Variants in NOL9 observed in about 807,000 individuals in gnomAD.
The protein encoded by NOL9 is polynucleotide 5'-hydroxyl-kinase NOL9.
In NOL9, 28 loss-of-function variants were observed where a neutral mutation model predicts 67.9. That is an observed-to-expected ratio of 0.41 (90% confidence interval 0.31 to 0.57). The LOEUF is 0.57. Among genes scored for constraint, NOL9 ranks in the 20% least tolerant of loss-of-function variants. NOL9 has a pLI of 0.25. For missense variants in NOL9, 777 were observed against 897.0 expected, an observed-to-expected ratio of 0.87 and a Z score of 1.71; for synonymous variants, 356 against 352.2, an observed-to-expected ratio of 1.01 and a Z score of -0.12.
At chr1:6,549,077 C>T (rs942141826) in intron 3 of NOL9, among the ~76,000 whole-genome samples, 1 of 151,448 alleles carries the variant, frequency 6.6e-6, no homozygotes, top group Non-Finnish European at 1.5e-5. Context: ...AGAGAGAGTC[C>T]ATCTCAAAAC....
At position 6,524,075 on chromosome 1, in the gene NOL9, G is replaced by A. The variant is rs1638827675; in HGVS notation, c.*1779C>T. On this transcript the variant is annotated 3_prime_UTR_variant, in exon 12 of 12. Coordinates refer to ENST00000377705, the MANE Select transcript of NOL9 (RefSeq NM_024654.5). ...GCACAGTAAAACATCATATGAATGAGCCAGATTTCAACATAAATAAGGGGC... is the reference window on the plus strand; with the variant it reads ...GCACAGTAAAACATCATATGAATGAACCAGATTTCAACATAAATAAGGGGC... 6.6e-6 allele frequency: 1 copy of A among 152,134 alleles called. No homozygotes were observed. The highest frequency in any genetic ancestry group is 2.4e-5 in the African/African-American group (1 of 41,418). The allele number at this position is 152,134 out of a possible 1,614,324, so 9.4% of individuals were successfully genotyped here. A position where few individuals can be genotyped will look rare whatever the true frequency, so the allele number is the denominator to read the frequency against.
At chr1:6,546,397 G>A (rs1639422920) in intron 3 of NOL9, among the ~76,000 whole-genome samples, 1 of 152,154 alleles carries the variant, frequency 6.6e-6, no homozygotes, top group African/African-American at 2.4e-5. Context: ...AAGACTAAAA[G>A]GCAATCACAA....
intron 6 of NOL9, among the ~76,000 whole-genome samples, chr1:6,535,490 G>A (rs1251827899): frequency 6.6e-6 from 1 of 152,240 alleles, no homozygotes; most frequent in African/African-American, 2.4e-5. Context: ...CAGGACCTAG[G>A]ACGTAAGAGG....
rs1557782367 is a variant in NOL9, at chr1:6,528,975, G to A, written c.1825+19C>T. 1.2e-6 allele frequency: 2 copies of A among 1,612,542 alleles called. No individual in the cohort carries two copies. The highest frequency in any genetic ancestry group is 1.3e-5 in the African/African-American group (1 of 74,890). On this transcript the variant is annotated intron_variant, in intron 10 of 11. Transcript: ENST00000377705. ...TCCTTTTCAGTAGGTTTATGGATAT[G>A]TTTTACTCTCAGACTCACCAAAGCC...
intron 6 of NOL9, among the ~76,000 whole-genome samples, chr1:6,534,959 A>T (rs1639116671): frequency 6.6e-6 from 1 of 152,178 alleles, no homozygotes; most frequent in East Asian, 1.9e-4. Context: ...ACTCGCCACC[A>T]CACCTGGCTA....
chr1:6,530,691 T>C (rs138663613), intron 9 of NOL9, among the ~76,000 whole-genome samples: 134 of 152,322 alleles, frequency 8.8e-4, no homozygotes, highest in African/African-American at 3.0e-3. Context: ...CTTCAGCCTA[T>C]GTGACCTAAG....
At chr1:6,536,446 C>A (rs1639159315) in intron 6 of NOL9, among the ~76,000 whole-genome samples, 3 of 152,168 alleles carry the variant, frequency 2.0e-5, no homozygotes, top group African/African-American at 7.2e-5. Flanking sequence ...GTAGGAGGAT[C>A]CCTTCAGCCC....
chr1:6,532,657 C>T lies in NOL9; in HGVS notation c.1341G>A (p.Pro447=), dbSNP rs568168221. 5.6e-6 allele frequency: 9 copies of T among 1,613,996 alleles called. No homozygotes were observed. Among genetic ancestry groups the T allele is most frequent in the Admixed American group, 1.7e-5 (1 of 59,996 alleles). Reference sequence around the variant, plus strand: ...AGCCATCCATGTCATCTACATACTGCGGGGTAAGGTCTGGCATATATTTAC... The same window carrying T: ...AGCCATCCATGTCATCTACATACTGTGGGGTAAGGTCTGGCATATATTTAC... ...DHSKYMPDLT[P]QYVDDMDGLY... The change falls in exon 8 of 12, where the codon CCG becomes CCA. Residue 447 remains proline, a synonymous_variant. Coordinates refer to ENST00000377705, the MANE Select transcript of NOL9 (RefSeq NM_024654.5).
rs1215654579 is a variant in NOL9 at position 6,545,033 on chromosome 1, T to A, written c.880+12A>T. Reference sequence around the variant, plus strand: ...GGACAGACATTCAGGGTGATCAATGTGTATTACTCACCACAGGAAACATTG... The same window carrying A: ...GGACAGACATTCAGGGTGATCAATGAGTATTACTCACCACAGGAAACATTG... On this transcript the variant is annotated intron_variant, in intron 4 of 11. Transcript: ENST00000377705. The A allele has an allele frequency of 2.5e-6, 4 of 1,614,122 alleles. No homozygotes were observed. In the South Asian group the frequency reaches 4.4e-5, roughly 18 times the overall value.
At chr1:6,530,857 C>A (rs577902172) in intron 9 of NOL9, among the ~76,000 whole-genome samples, 1 of 152,262 alleles carries the variant, frequency 6.6e-6, no homozygotes, top group African/African-American at 2.4e-5. Flanking sequence ...ACATGCTGTG[C>A]GGCAGAGCAC....
intron 3 of NOL9, among the ~76,000 whole-genome samples, chr1:6,546,745 C>A (rs1183558950): frequency 6.6e-6 from 1 of 152,210 alleles, no homozygotes; most frequent in Non-Finnish European, 1.5e-5. Flanking sequence ...CATGTTCCAG[C>A]ATGTTTTTTT....
chr1:6,554,109 G>A lies in NOL9; in HGVS notation c.394C>T (p.Gln132Ter). The change falls in exon 1 of 12, where the codon CAG becomes TAG. Residue 132 changes from glutamine to a stop codon, truncating the protein, a stop_gained and splice_region_variant. Coordinates refer to ENST00000377705, the MANE Select transcript of NOL9 (RefSeq NM_024654.5). LOFTEE classifies it high-confidence loss of function. Reference protein sequence around the residue: ...GRALLLLPVEQGFTFSGICRV... With the variant: ...GRALLLLPVE ...TACTACCGGCGCCCCCCACCTACCT[G>A]CTCGACCGGCAGCAGCAGCAACGCG... The A allele has an allele frequency of 6.6e-7, 1 of 1,526,490 alleles. No homozygotes were observed. Among genetic ancestry groups the A allele is most frequent in the Non-Finnish European group, 8.8e-7 (1 of 1,136,524 alleles). 94.6% of individuals were successfully genotyped at this position (1,526,490 alleles called of 1,614,324 possible). A position where few individuals can be genotyped will look rare whatever the true frequency, so the allele number is the denominator to read the frequency against.
At chr1:6,544,422 G>A (rs1302947725) in intron 5 of NOL9, among the ~76,000 whole-genome samples, 1 of 151,958 alleles carries the variant, frequency 6.6e-6, no homozygotes, top group Admixed American at 6.6e-5. Context: ...TCAGGAGGCT[G>A]AGGCAGGAGG....
At chr1:6,549,821 CT>C in intron 2 of NOL9, 123 bp from the exon 3 acceptor site, 13 of 1,173,380 alleles carry the variant, frequency 1.1e-5, no homozygotes, top group Non-Finnish European at 9.6e-6. Flanking sequence ...GGTTGAGAGC[CT>C]TTTTCAGGGG....
At chr1:6,552,437 A>G (rs1484194382) in intron 1 of NOL9, among the ~76,000 whole-genome samples, 1 of 152,086 alleles carries the variant, frequency 6.6e-6, no homozygotes, top group African/African-American at 2.4e-5. Context: ...GCAGCCTTTT[A>G]AATTTTTTAA....
At chr1:6,529,260 A>C (rs1198809258) in intron 9 of NOL9, 89 bp from the exon 10 acceptor site, 1 of 1,229,208 alleles carries the variant, frequency 8.1e-7, no homozygotes, top group Non-Finnish European at 1.2e-6. Context: ...CTATCTAAAG[A>C]TAGGTCTGCC....
chr1:6,547,302 A>G (rs1156245339), intron 3 of NOL9, among the ~76,000 whole-genome samples: 1 of 152,116 alleles, frequency 6.6e-6, no homozygotes, highest in Admixed American at 6.6e-5. Context: ...TCTACCAGGC[A>G]TCTCAAGGTT....
intron 3 of NOL9, among the ~76,000 whole-genome samples, chr1:6,546,392 TA>T (rs1309632844): frequency 6.6e-6 from 1 of 152,212 alleles, no homozygotes; most frequent in African/African-American, 2.4e-5. Context: ...TGCAAAAGAC[TA>T]AAAGGCAATC....
chr1:6,522,973 C>A lies in NOL9; in HGVS notation c.*2881G>T, dbSNP rs1219962524. 1 of 150,156 alleles carries A rather than the reference C, an allele frequency of 6.7e-6. No homozygotes were observed. Among genetic ancestry groups the A allele is most frequent in the Non-Finnish European group, 1.5e-5 (1 of 67,818 alleles). 9.3% of individuals were successfully genotyped at this position (150,156 alleles called of 1,614,324 possible). ...GTCAGGAGATCGAGACCAGCCTAGC[C>A]AATACGGTGAAACCCTATCTCTACT... On this transcript the variant is annotated 3_prime_UTR_variant, in exon 12 of 12. Coordinates refer to ENST00000377705, the MANE Select transcript of NOL9 (RefSeq NM_024654.5).
Sources: gnomAD v4.1 joint callset for allele counts (sites outside exome capture counted in the v4.1 genomes callset) on GRCh38, gnomAD v4.1.1 for gene constraint, MANE v1.5 for transcripts, NCBI Gene and HGNC (gene_info 2026-07-23, HGNC 2026-07-21) for gene names.